Variants in SPINT1 observed in about 807,000 individuals in gnomAD.
SPINT1 encodes the protein serine peptidase inhibitor, Kunitz type 1, also known as kunitz-type protease inhibitor 1.
SPINT1 carries 38 observed loss-of-function variants against 53.7 expected under a neutral mutation model. That is an observed-to-expected ratio of 0.71 (90% CI 0.55 to 0.93). The LOEUF (loss-of-function observed/expected upper bound fraction) is 0.93, where lower values mean the gene tolerates loss of function less well. Among genes scored for constraint, SPINT1 ranks in the 40% least tolerant of loss-of-function variants. SPINT1 has a pLI of 0.00. For synonymous variants in SPINT1, 283 were observed against 280.6 expected (o/e 1.01, Z -0.08); for missense variants, 645 against 692.9 (o/e 0.93, Z 0.78).
At chr15:40,845,134 C>CTT in intron 2 of SPINT1, 105 bp downstream of exon 2, 28 of 850,178 alleles carry the variant, frequency 3.3e-5, no homozygotes, top group South Asian at 8.1e-5. Context: ...GGAGAGTTCA[C>CTT]TTTTTTTTTT....
At chr15:40,846,724 C>T (rs1038964748) in intron 2 of SPINT1, among the ~76,000 whole-genome samples, 1 of 152,142 alleles carries the variant, frequency 6.6e-6, no homozygotes, top group Non-Finnish European at 1.5e-5. Context: ...GGGCTTTCCT[C>T]CGCAGACTTT....
intron 10 of SPINT1, 88 bp downstream of exon 10, chr15:40,856,411 G>A: frequency 1.9e-6 from 3 of 1,539,928 alleles, no homozygotes; most frequent in East Asian, 2.3e-5. Context: ...CCTAACCTGT[G>A]TTGAGAAGGA....
intron 2 of SPINT1, among the ~76,000 whole-genome samples, chr15:40,846,400 A>G (rs1406960484): frequency 2.0e-5 from 3 of 152,170 alleles, no homozygotes; most frequent in Non-Finnish European, 4.4e-5. Context: ...CTCAGGCCTC[A>G]TCACAACAAC....
chr15:40,847,639 G>A (rs923373515), intron 2 of SPINT1, among the ~76,000 whole-genome samples: 4 of 152,140 alleles, frequency 2.6e-5, no homozygotes, highest in Non-Finnish European at 4.4e-5. Context: ...ACTGGGGGAG[G>A]GGCTGGTTTT....
At chr15:40,846,117 G>A (rs538192184) in intron 2 of SPINT1, among the ~76,000 whole-genome samples, 22 of 152,310 alleles carry the variant, frequency 1.4e-4, no homozygotes, top group African/African-American at 4.3e-4. Context: ...GTGTGCATGC[G>A]CATGAGCCAG....
chr15:40,853,282 C>T, intron 3 of SPINT1, 31 bp downstream of exon 3: 1 of 1,613,302 alleles, frequency 6.2e-7, no homozygotes, highest in East Asian at 2.2e-5. Flanking sequence ...TGACCCCGCC[C>T]TCTGCCTGCC....
In SPINT1 at chr15:40,854,461, C is replaced by A. The variant is rs534071249; in HGVS notation, c.1005C>A (p.Phe335Leu). The change falls in exon 7 of 11, where the codon TTC (phenylalanine) becomes TTA (leucine). Residue 335 changes from phenylalanine (F) to leucine (L), a missense_variant. Phe to Leu is a conservative substitution (Grantham distance 22). Transcript: ENST00000562057. The part of the protein sequence containing the change: ...RCSNGCCIDS[F>L]LECDDTPNCP... ...GCAATGGCTGCTGCATCGACAGTTTCCTGGAGTGTGACGACACCCCCAACT... is the reference window on the plus strand; with the variant it reads ...GCAATGGCTGCTGCATCGACAGTTTACTGGAGTGTGACGACACCCCCAACT... 3.7e-5 allele frequency: 60 copies of A among 1,613,654 alleles called. No individual in the cohort carries two copies. The highest frequency in any genetic ancestry group is 5.1e-6 in the Non-Finnish European group (6 of 1,179,936).
At position 40,844,364 on chromosome 15, in the gene SPINT1, C is replaced by T. The variant is rs550834279; in HGVS notation, c.-65-126C>T. The T allele has an allele frequency of 1.2e-4, 80 of 673,114 alleles. No individual in the cohort carries two copies. In the African/African-American group the frequency reaches 1.4e-3, roughly 12 times the overall value. 41.7% of individuals were successfully genotyped at this position (673,114 alleles called of 1,614,324 possible). A position where few individuals can be genotyped will look rare whatever the true frequency, so the allele number is the denominator to read the frequency against. ...CGCGTGGGAGGGCCGGGCCCGTGCGCCCTCTTCGATCCTGGGGTGCTCCGG... is the reference window on the plus strand; with the variant it reads ...CGCGTGGGAGGGCCGGGCCCGTGCGTCCTCTTCGATCCTGGGGTGCTCCGG... On this transcript the variant is annotated intron_variant, in intron 1 of 10. Coordinates refer to ENST00000562057, the MANE Select transcript of SPINT1 (RefSeq NM_003710.4). This position sits in a 1 kb window ranked among gnomAD's most constrained non-coding sequence, Gnocchi z 5.8.
chr15:40,847,685 G>A (rs1399039265), intron 2 of SPINT1, among the ~76,000 whole-genome samples: 1 of 152,144 alleles, frequency 6.6e-6, no homozygotes, highest in African/African-American at 2.4e-5. Flanking sequence ...TTGCGGGTGG[G>A]AGGAAGGGAG....
At chr15:40,846,821 C>T (rs765177893) in intron 2 of SPINT1, among the ~76,000 whole-genome samples, 3 of 152,064 alleles carry the variant, frequency 2.0e-5, no homozygotes, top group Admixed American at 6.6e-5. Flanking sequence ...TGAGGAGAGG[C>T]GAGATGGGGA....
rs201305915 is a variant in SPINT1 at position 40,853,975 on chromosome 15, G to A, written c.914-85G>A. 2,545 of 1,606,654 alleles carry A rather than the reference G, an allele frequency of 1.6e-3. 1 individual carries two copies. Among genetic ancestry groups the A allele is most frequent in the Non-Finnish European group, 2.1e-3 (2,436 of 1,174,818 alleles). ...GTGGCCAGGGAGGTGGGTGGTGGGA[G>A]CTCTCCCTTGCCCACCCACCCCAAT... On this transcript the variant is annotated intron_variant, in intron 5 of 10. Coordinates refer to ENST00000562057, the MANE Select transcript of SPINT1 (RefSeq NM_003710.4).
In SPINT1 at chr15:40,853,887, C is replaced by T. The variant is rs758134493; in HGVS notation, c.913+6C>T. The T allele has an allele frequency of 6.2e-7, 1 of 1,614,118 alleles. No individual in the cohort carries two copies. Among genetic ancestry groups the T allele is most frequent in the South Asian group, 1.1e-5 (1 of 91,084 alleles). ...AGCCTGTCGGGGTGTGCAAGGTGGGCCTTTGAGAGGCAGCTCTGGGGCTCA... is the reference window on the plus strand; with the variant it reads ...AGCCTGTCGGGGTGTGCAAGGTGGGTCTTTGAGAGGCAGCTCTGGGGCTCA... On this transcript the variant is annotated splice_donor_region_variant and intron_variant, in intron 5 of 10. Coordinates refer to ENST00000562057, the MANE Select transcript of SPINT1 (RefSeq NM_003710.4).
rs747228024 is a variant in SPINT1, at chr15:40,853,147, G to A, written c.499G>A (p.Ala167Thr). 1.2e-6 allele frequency: 2 copies of A among 1,614,118 alleles called. No individual in the cohort carries two copies. Among genetic ancestry groups the A allele is most frequent in the South Asian group, 1.1e-5 (1 of 91,084 alleles). Residue 167 changes from alanine to threonine, a missense_variant, in exon 3 of 11, where the codon GCA (alanine) becomes ACA (threonine). Physicochemically the swap from Ala to Thr is moderately conservative, Grantham distance 58. Coordinates refer to ENST00000562057, the MANE Select transcript of SPINT1 (RefSeq NM_003710.4). ...AGGGTCTGGGATCCCCAAGGCCTGG[G>A]CAGGCATAGACTTGAAGGTACAACC... ...FGGSGIPKAW[A>T]GIDLKVQPQE...
At position 40,856,840 on chromosome 15, in the gene SPINT1, C is replaced by T; in HGVS notation, c.1407C>T (p.Tyr469=). The T allele has an allele frequency of 6.2e-7, 1 of 1,614,166 alleles. No individual in the cohort carries two copies. ...CIVVVVAILG[Y]CFFKNQRKDF... ...TGGTGGTGGTAGCCATCTTGGGTTA[C>T]TGCTTCTTCAAGAACCAGAGAAAGG... The change falls in exon 11 of 11, where the codon TAC becomes TAT. Residue 469 remains tyrosine (Y), a synonymous_variant. Transcript: ENST00000562057.
Position 40,853,647 on chromosome 15 carries a change from C to A in SPINT1, c.742+20C>A, listed in dbSNP as rs202231232. 7 of 1,613,868 alleles carry A rather than the reference C, an allele frequency of 4.3e-6. No individual in the cohort carries two copies. In the Admixed American group the frequency reaches 8.3e-5, roughly 19 times the overall value. On this transcript the variant is annotated intron_variant, in intron 4 of 10. Transcript: ENST00000562057. ...CAGAAGGTGAGGGAGGGGTGAGGAG[C>A]AGCACCTGGAGCCCCCGCTGTGCGG...
rs148573816 is a variant in SPINT1 at position 40,856,817 on chromosome 15, G to T, written c.1384G>T (p.Val462Leu). ...VAVFLVICIV[V>L]VVAILGYCFF... is the part of the protein sequence containing the mutation. ...AGTGTTCCTGGTCATCTGCATTGTG[G>T]TGGTGGTAGCCATCTTGGGTTACTG... Residue 462 changes from valine to leucine, a missense_variant, in exon 11 of 11, where the codon GTG becomes TTG. Val to Leu is a conservative substitution (Grantham distance 32). Coordinates refer to ENST00000562057, the MANE Select transcript of SPINT1 (RefSeq NM_003710.4). The T allele has an allele frequency of 5.0e-6, 8 of 1,614,130 alleles. No individual in the cohort carries two copies. Among genetic ancestry groups the T allele is most frequent in the Non-Finnish European group, 5.1e-6 (6 of 1,180,028 alleles).
At chr15:40,845,765 G>A (rs1385000079) in intron 2 of SPINT1, among the ~76,000 whole-genome samples, 1 of 152,188 alleles carries the variant, frequency 6.6e-6, no homozygotes, top group Non-Finnish European at 1.5e-5. Context: ...TGTCTGGATG[G>A]TCTGGTGACT....
Position 40,854,690 on chromosome 15 carries a change from G to T in SPINT1, c.1117+1G>T, listed in dbSNP as rs1270731128. On this transcript the variant is annotated splice_donor_variant, in intron 8 of 10. Coordinates refer to ENST00000562057, the MANE Select transcript of SPINT1 (RefSeq NM_003710.4). LOFTEE classifies it high-confidence loss of function. ...CGCATCCATTTCCCCAGTGACAAAG[G>T]TGAGATCCTCCCCAGGTGCCCTGGA... 9 of 1,614,084 alleles carry T rather than the reference G, an allele frequency of 5.6e-6. No individual in the cohort carries two copies. The highest frequency in any genetic ancestry group is 7.6e-6 in the Non-Finnish European group (9 of 1,180,030).
chr15:40,852,846 A>G (rs1429966520), intron 2 of SPINT1, among the ~76,000 whole-genome samples: 1 of 151,746 alleles, frequency 6.6e-6, no homozygotes, highest in African/African-American at 2.4e-5. Flanking sequence ...GCTCCAGCCT[A>G]GGAAACATAG....
Sources: gnomAD v4.1 joint callset for allele counts (sites outside exome capture counted in the v4.1 genomes callset) on GRCh38, gnomAD v4.1.1 for gene constraint, Gnocchi (gnomAD v3.1) non-coding constraint, MANE v1.5 for transcripts, NCBI Gene and HGNC (gene_info 2026-07-23, HGNC 2026-07-21) for gene names.